Variants in OSMR observed in about 807,000 individuals in gnomAD.
OSMR encodes the protein oncostatin M receptor, also known as oncostatin-M-specific receptor subunit beta.
Under a neutral mutation model 99.9 loss-of-function variants are expected in OSMR, and 81 were observed. The observed-to-expected ratio is 0.81, with a 90% confidence interval of 0.68 to 0.97. The LOEUF (loss-of-function observed/expected upper bound fraction) is 0.97. OSMR is among the 50% of genes least tolerant of loss of function. OSMR has a pLI of 0.00. For missense variants in OSMR, 1,099 were observed against 1,153.4 expected, an observed-to-expected ratio of 0.95 and a Z score of 0.68; for synonymous variants, 406 against 410.4, an observed-to-expected ratio of 0.99 and a Z score of 0.13.
In OSMR at chr5:38,942,301, A is replaced by C. The variant is rs41271097; in HGVS notation, c.75-1900A>C. 13,690 of 1,559,596 alleles carry C rather than the reference A, an allele frequency of 8.8e-3. 83 individuals are homozygous for C. The highest frequency in any genetic ancestry group is 0.01 in the Non-Finnish European group (11,507 of 1,135,760). On this transcript the variant is annotated intron_variant and NMD_transcript_variant, in intron 1 of 2. Transcript: ENST00000508882. ...TGTATCTATATCCATCATAAATATG[A>C]GGTCAGGATTCAGCAGATGTATCAA...
At chr5:38,905,505 T>C (rs180770558) in intron 9 of OSMR, among the ~76,000 whole-genome samples, 274 of 151,034 alleles carry the variant, frequency 1.8e-3, no homozygotes, top group African/African-American at 6.3e-3. Flanking sequence ...AAAAAAATCA[T>C]AGGAGTCAAC....
In OSMR at chr5:38,862,450, G is replaced by C. The variant is rs1216626513; in HGVS notation, c.-13-6582G>C. On this transcript the variant is annotated intron_variant, in intron 1 of 17. Transcript: ENST00000274276. ...CCCCCACCTCCCTCCCGGACGGGTG[G>C]CTGCTGGGCTGAGACGCTCCTCACT... Among the ~76,000 whole-genome samples, 85 of 150,946 alleles carry C rather than the reference G, an allele frequency of 5.6e-4. 1 individual carries two copies. The highest frequency in any genetic ancestry group is 9.5e-4 in the Non-Finnish European group (64 of 67,636).
At position 38,883,859 on chromosome 5, in the gene OSMR, G is replaced by C; in HGVS notation, c.451G>C (p.Val151Leu). 6.2e-7 allele frequency: 1 copy of C among 1,613,252 alleles called. No homozygotes were observed. The highest frequency in any genetic ancestry group is 8.5e-7 in the Non-Finnish European group (1 of 1,179,916). Residue 151 changes from valine to leucine, a missense_variant, in exon 5 of 18, where the codon GTT (valine) becomes CTT (leucine). Val to Leu is a conservative substitution (Grantham distance 32, BLOSUM62 1). Coordinates refer to ENST00000274276, the MANE Select transcript of OSMR (RefSeq NM_003999.3). Reference protein sequence around the residue: ...QDSTGQDILFVFPKDKLVEEG... With the variant: ...QDSTGQDILFLFPKDKLVEEG... ...TTCTACTGGACAGGATATATTGTTC[G>C]TTTTCCCTAAAGATAAGCTGGTGGA...
intron 6 of OSMR, 34 bp from the exon 7 acceptor site, chr5:38,886,005 G>A (rs745338619): frequency 2.4e-5 from 39 of 1,610,238 alleles, no homozygotes; most frequent in East Asian, 1.8e-4. Context: ...TAAAAACCTC[G>A]TAATGGTTGT....
intron 4 of OSMR, among the ~76,000 whole-genome samples, chr5:38,882,332 T>C (rs559634439): frequency 1.3e-5 from 2 of 152,300 alleles, no homozygotes; most frequent in Non-Finnish European, 2.9e-5. Context: ...CTCAGCACTT[T>C]GGGAGGCCAA....
rs1356690691 is a variant in OSMR, at chr5:38,944,803, A to C, written c.*87-143A>C. The C allele has an allele frequency of 2.7e-6, 3 of 1,108,790 alleles. No homozygotes were observed. In the African/African-American group the frequency reaches 4.7e-5, roughly 17 times the overall value. 68.7% of individuals were successfully genotyped at this position (1,108,790 alleles called of 1,614,324 possible). A position where few individuals can be genotyped will look rare whatever the true frequency, so the allele number is the denominator to read the frequency against. On this transcript the variant is annotated intron_variant and NMD_transcript_variant, in intron 2 of 2. Transcript: ENST00000508882. ...TAAATTGCTTCACTAAAATGGACGT[A>C]TTACTGTTTTGAGACAACTTTAATT...
At chr5:38,881,522 A>T (rs1020522804) in intron 3 of OSMR, 71 bp from the exon 4 acceptor site, 74 of 1,613,250 alleles carry the variant, frequency 4.6e-5, no homozygotes, top group Non-Finnish European at 5.8e-5. Context: ...GTGCTTTGGG[A>T]TAAGTCAAGT....
Position 38,921,806 on chromosome 5 carries a change from C to T in OSMR, c.1765+12C>T. ...AGTCATTAGCACAGGTAAGAAGAAG[C>T]TTCCATATCATCGCATTGCTATATT... On this transcript the variant is annotated intron_variant, in intron 12 of 17. Coordinates refer to ENST00000274276, the MANE Select transcript of OSMR (RefSeq NM_003999.3). 1 of 1,601,350 alleles carries T rather than the reference C, an allele frequency of 6.2e-7. No individual in the cohort carries two copies. Among genetic ancestry groups the T allele is most frequent in the Non-Finnish European group, 8.6e-7 (1 of 1,168,344 alleles).
Position 38,883,842 on chromosome 5 carries a change from G to A in OSMR, c.434G>A (p.Gly145Glu), listed in dbSNP as rs1743490008. The change falls in exon 5 of 18, where the codon GGA becomes GAA. Residue 145 changes from glycine to glutamate, a missense_variant. Physicochemically the swap from Gly to Glu is moderately conservative, Grantham distance 98 (BLOSUM62 -2). Coordinates refer to ENST00000274276, the MANE Select transcript of OSMR (RefSeq NM_003999.3). Reference sequence around the variant, plus strand: ...TTTCTTGCAGTACAAGATTCTACTGGACAGGATATATTGTTCGTTTTCCCT... The same window carrying A: ...TTTCTTGCAGTACAAGATTCTACTGAACAGGATATATTGTTCGTTTTCCCT... ...WEEVSVQDST[G>E]QDILFVFPKD... The A allele has an allele frequency of 6.2e-7, 1 of 1,612,876 alleles. No individual in the cohort carries two copies. The highest frequency in any genetic ancestry group is 8.5e-7 in the Non-Finnish European group (1 of 1,179,980).
intron 2 of OSMR, chr5:38,944,667 A>AG: frequency 9.1e-7 from 1 of 1,102,648 alleles, no homozygotes; most frequent in East Asian, 2.4e-5. Flanking sequence ...AAAGACCTAG[A>AG]GATCAATTAC....
At chr5:38,904,954 T>A (rs1745134193) in intron 9 of OSMR, among the ~76,000 whole-genome samples, 1 of 152,206 alleles carries the variant, frequency 6.6e-6, no homozygotes, top group South Asian at 2.1e-4. Flanking sequence ...GATGCCACAC[T>A]GTGTGCCCTC....
chr5:38,902,282 TG>T (rs1428850542), intron 7 of OSMR, among the ~76,000 whole-genome samples: 3 of 152,208 alleles, frequency 2.0e-5, no homozygotes, highest in Admixed American at 6.5e-5. Flanking sequence ...TTAGCTGTGT[TG>T]GGGGAACATA....
At chr5:38,857,800 T>C (rs1740972533) in intron 1 of OSMR, among the ~76,000 whole-genome samples, 1 of 152,140 alleles carries the variant, frequency 6.6e-6, no homozygotes, top group Admixed American at 6.5e-5. Flanking sequence ...CCCGAGTAGC[T>C]GGGACTATGG....
intron 2 of OSMR, 146 bp from the exon 3 acceptor site, chr5:38,876,055 G>T: frequency 8.6e-7 from 1 of 1,164,982 alleles, no homozygotes; most frequent in East Asian, 2.6e-5. Context: ...TTCTCTTCCA[G>T]ATTTCCAAGG....
At chr5:38,917,921 A>T (rs771910146) in intron 10 of OSMR, among the ~76,000 whole-genome samples, 18 of 152,222 alleles carry the variant, frequency 1.2e-4, no homozygotes, top group Non-Finnish European at 1.9e-4. Flanking sequence ...TATGATAGTT[A>T]AAAGTTACAC....
intron 1 of OSMR, among the ~76,000 whole-genome samples, chr5:38,862,764 C>G (rs1300927040): frequency 6.6e-6 from 1 of 151,868 alleles, no homozygotes; most frequent in African/African-American, 2.4e-5. Flanking sequence ...GACGGGGTGG[C>G]GGCCGGGCAG....
intron 7 of OSMR, among the ~76,000 whole-genome samples, chr5:38,887,961 C>A (rs72635256): frequency 2.0e-4 from 30 of 152,100 alleles, no homozygotes; most frequent in African/African-American, 6.8e-4. Flanking sequence ...CTTCGTTTCG[C>A]GCCGGTTTGG....
At position 38,931,862 on chromosome 5, in the gene OSMR, CCTTT is replaced by C. The variant is rs1340031022; in HGVS notation, c.2213-16_2213-13del. 6.8e-6 allele frequency: 11 copies of C among 1,606,790 alleles called. No homozygotes were observed. The highest frequency in any genetic ancestry group is 9.4e-6 in the Non-Finnish European group (11 of 1,173,726). On this transcript the variant is annotated splice_polypyrimidine_tract_variant and intron_variant, in intron 15 of 17. Transcript: ENST00000274276. The stretch of plus-strand genomic sequence containing the variant: ...GGGAAAAGTACTTATTAAAAATGTC[CCTTT>C]CTTTTTCCTCGTTCAGCCTCGATGC...
intron 9 of OSMR, among the ~76,000 whole-genome samples, chr5:38,917,092 G>A (rs937979726): frequency 6.6e-6 from 1 of 152,100 alleles, no homozygotes; most frequent in Non-Finnish European, 1.5e-5. Context: ...CAGTGAGCGG[G>A]CCAGCCGTGG....
Sources: allele counts gnomAD v4.1 joint callset (sites outside exome capture counted in the v4.1 genomes callset), GRCh38; gene constraint gnomAD v4.1.1; transcripts MANE v1.5; gene names NCBI Gene and HGNC (gene_info 2026-07-23, HGNC 2026-07-21).